The following ROR1 variants were observed in gnomAD, a reference collection of about 807,000 sequenced individuals.
The protein encoded by ROR1 is ROR family WNT receptor 1, also known as inactive tyrosine-protein kinase transmembrane receptor ROR1.
A neutral mutation model predicts 78.8 loss-of-function variants in ROR1; 19 were observed. That is an observed-to-expected ratio of 0.24 (90% CI 0.17 to 0.35). The LOEUF is 0.35. Ranked by LOEUF, ROR1 falls within the 10% of genes least tolerant of loss-of-function variation. ROR1 has a pLI of 1.00. For missense variants in ROR1, 917 were observed against 1,177.8 expected (o/e 0.78, Z 3.24); for synonymous variants, 386 against 433.6 (o/e 0.89, Z 1.36).
chr1:64,087,471 C>T (rs755016747), intron 4 of ROR1, among the ~76,000 whole-genome samples: 9 of 152,200 alleles, frequency 5.9e-5, no homozygotes, highest in Non-Finnish European at 1.2e-4. Context: ...AAATCAGAAC[C>T]ACACTGGAGC....
intron 8 of ROR1, among the ~76,000 whole-genome samples, chr1:64,168,344 T>C (rs888220044): frequency 6.6e-6 from 1 of 152,192 alleles, no homozygotes; most frequent in African/African-American, 2.4e-5. Context: ...GTAAAGTACT[T>C]ACAGCCTAAC....
chr1:64,115,490 T>C (rs1313447450), intron 4 of ROR1, among the ~76,000 whole-genome samples: 1 of 151,982 alleles, frequency 6.6e-6, no homozygotes, highest in African/African-American at 2.4e-5. Context: ...CACCCTAGCC[T>C]CCCAAAGTGC....
intron 1 of ROR1, among the ~76,000 whole-genome samples, chr1:63,812,432 G>C (rs1406240774): frequency 6.6e-6 from 1 of 152,186 alleles, no homozygotes; most frequent in Non-Finnish European, 1.5e-5. Flanking sequence ...CTTTACAGAA[G>C]AATTTTGCTA....
At chr1:63,821,782 G>A (rs890042991) in intron 1 of ROR1, among the ~76,000 whole-genome samples, 5 of 152,192 alleles carry the variant, frequency 3.3e-5, no homozygotes, top group African/African-American at 9.7e-5. Flanking sequence ...TATTTTGGCC[G>A]GAGGAAAATG....
chr1:64,066,233 T>C (rs1646954747), intron 4 of ROR1, among the ~76,000 whole-genome samples: 1 of 152,034 alleles, frequency 6.6e-6, no homozygotes, highest in Non-Finnish European at 1.5e-5. Context: ...ACATGATGAG[T>C]GCTGTGATAC....
intron 2 of ROR1, among the ~76,000 whole-genome samples, chr1:64,037,515 C>T (rs1003808580): frequency 1.1e-4 from 16 of 152,094 alleles, no homozygotes; most frequent in African/African-American, 3.9e-4. Flanking sequence ...CTTGTTTTAT[C>T]ATGCAATTCT....
At chr1:63,967,718 T>C (rs944876532) in intron 1 of ROR1, among the ~76,000 whole-genome samples, 1 of 152,204 alleles carries the variant, frequency 6.6e-6, no homozygotes, top group Non-Finnish European at 1.5e-5. Context: ...ATCACTAAAG[T>C]CAGTGATAAA....
In ROR1 at chr1:64,055,243, G is replaced by C. The variant is rs375051943; in HGVS notation, c.482+4527G>C. ...ATGTGTGAGAGCTTTCAGAAGCGCT[G>C]GTTGGAATATAATGAAAATAGATGT... On this transcript the variant is annotated intron_variant, in intron 4 of 8. Transcript: ENST00000371079. 1.2e-3 allele frequency among the ~76,000 whole-genome samples: 179 copies of C among 152,332 alleles called. 1 individual carries two copies. Among genetic ancestry groups the C allele is most frequent in the African/African-American group, 4.0e-3 (165 of 41,576 alleles).
intron 1 of ROR1, among the ~76,000 whole-genome samples, chr1:63,925,255 T>C (rs1311267576): frequency 6.7e-6 from 1 of 148,836 alleles, no homozygotes; most frequent in South Asian, 2.2e-4. Context: ...TGAGTGAGAA[T>C]ATGCGGTGTC....
intron 1 of ROR1, among the ~76,000 whole-genome samples, chr1:63,828,620 A>C (rs774194021): frequency 6.6e-6 from 1 of 152,160 alleles, no homozygotes; most frequent in African/African-American, 2.4e-5. Context: ...CTTTACATGC[A>C]TGGTTTATTT....
intron 1 of ROR1, among the ~76,000 whole-genome samples, chr1:63,957,346 C>A (rs1210534596): frequency 6.6e-6 from 1 of 152,214 alleles, no homozygotes; most frequent in East Asian, 1.9e-4. Flanking sequence ...AGGGTACATG[C>A]TCCAAGCAGC....
At chr1:63,864,825 A>G (rs1342827398) in intron 1 of ROR1, among the ~76,000 whole-genome samples, 1 of 149,302 alleles carries the variant, frequency 6.7e-6, no homozygotes, top group Non-Finnish European at 1.5e-5. Flanking sequence ...AAATTTTGGA[A>G]CCTCAAAATT....
chr1:63,876,662 G>A (rs1360221520), intron 1 of ROR1, among the ~76,000 whole-genome samples: 1 of 127,536 alleles, frequency 7.8e-6, no homozygotes, highest in African/African-American at 4.3e-5. Context: ...GTGTGTGTGT[G>A]TGTGTGTGTG....
At chr1:64,122,637 T>C (rs1476254218) in intron 4 of ROR1, among the ~76,000 whole-genome samples, 4 of 152,130 alleles carry the variant, frequency 2.6e-5, no homozygotes, top group Non-Finnish European at 5.9e-5. Flanking sequence ...TATGCTAGGA[T>C]ACTGGAGATG....
intron 1 of ROR1, among the ~76,000 whole-genome samples, chr1:63,863,184 TC>T (rs1378366950): frequency 6.6e-6 from 1 of 152,208 alleles, no homozygotes. Flanking sequence ...ATCTCTTCTT[TC>T]TTGAGTTAAA....
intron 1 of ROR1, among the ~76,000 whole-genome samples, chr1:63,871,335 G>T (rs1417866834): frequency 6.6e-6 from 1 of 152,176 alleles, no homozygotes; most frequent in Non-Finnish European, 1.5e-5. Flanking sequence ...AAAAGTTGAG[G>T]CCTCGAGCTG....
chr1:63,815,484 CTT>C (rs34749985), intron 1 of ROR1, among the ~76,000 whole-genome samples: 42 of 85,256 alleles, frequency 4.9e-4, no homozygotes, highest in African/African-American at 2.4e-3. Flanking sequence ...TTTTCTTTTT[CTT>C]TTTTTTTTTT....
chr1:63,980,359 T>G (rs757277758), intron 1 of ROR1, among the ~76,000 whole-genome samples: 10 of 152,134 alleles, frequency 6.6e-5, no homozygotes, highest in Admixed American at 2.6e-4. Flanking sequence ...GACATTGTCA[T>G]GACCCCACCT....
At chr1:64,166,852 G>T (rs113428237) in intron 8 of ROR1, among the ~76,000 whole-genome samples, 1 of 152,080 alleles carries the variant, frequency 6.6e-6, no homozygotes, top group Non-Finnish European at 1.5e-5. Context: ...GAGGCTGCCC[G>T]GTACATAACC....
Sources: allele counts gnomAD v4.1 joint callset (sites outside exome capture counted in the v4.1 genomes callset), GRCh38; gene constraint gnomAD v4.1.1; transcripts MANE v1.5; gene names NCBI Gene and HGNC (gene_info 2026-07-23, HGNC 2026-07-21).